HEATR5A: variants seen among roughly 807,000 people sequenced by gnomAD.
HEATR5A encodes HEAT repeat containing 5A.
A neutral mutation model predicts 218.8 loss-of-function variants in HEATR5A; 178 were observed. That is an observed-to-expected ratio of 0.81 (90% confidence interval 0.72 to 0.92). The LOEUF (loss-of-function observed/expected upper bound fraction) is 0.92. HEATR5A is among the 40% of genes least tolerant of loss of function. HEATR5A has a pLI of 0.00. For missense variants in HEATR5A, 2,420 were observed against 2,418.9 expected, an observed-to-expected ratio of 1.00 and a Z score of -0.01; for synonymous variants, 864 against 871.6, an observed-to-expected ratio of 0.99 and a Z score of 0.15.
intron 33 of HEATR5A, among the ~76,000 whole-genome samples, chr14:31,300,971 GC>G (rs1899351204): frequency 6.6e-6 from 1 of 151,904 alleles, no homozygotes; most frequent in Admixed American, 6.6e-5. Flanking sequence ...CATTACTATT[GC>G]CTTTGGGAAA....
intron 29 of HEATR5A, 48 bp downstream of exon 29, chr14:31,308,886 A>C (rs1026035470): frequency 6.6e-6 from 10 of 1,515,780 alleles, no homozygotes; most frequent in East Asian, 2.3e-5. Context: ...AAAAAAAAAA[A>C]ACAAAAAACC....
chr14:31,358,640 T>C lies in HEATR5A; in HGVS notation c.2408A>G (p.Gln803Arg), dbSNP rs1595134281. 1 of 1,612,236 alleles carries C rather than the reference T, an allele frequency of 6.2e-7. No homozygotes were observed. The highest frequency in any genetic ancestry group is 8.5e-7 in the Non-Finnish European group (1 of 1,179,176). Reference sequence around the variant, plus strand: ...CTGAACCATTGAAGATATTTACCTTTGAGTTTCTCCCACATGAGCGCATAC... The same window carrying C: ...CTGAACCATTGAAGATATTTACCTTCGAGTTTCTCCCACATGAGCGCATAC... ...GVVCAHVGET[Q>R]RLLILEQLLD... Residue 803 changes from glutamine to arginine, a missense_variant, in exon 16 of 36, where the codon CAA becomes CGA. Transcript: ENST00000543095.
intron 9 of HEATR5A, among the ~76,000 whole-genome samples, chr14:31,384,230 C>G (rs1458159731): frequency 1.3e-5 from 2 of 152,094 alleles, no homozygotes; most frequent in East Asian, 1.9e-4. Flanking sequence ...ACTGCCTGAG[C>G]TCAGGAGTTT....
At chr14:31,369,064 A>G (rs1182043705) in intron 13 of HEATR5A, among the ~76,000 whole-genome samples, 2 of 152,160 alleles carry the variant, frequency 1.3e-5, no homozygotes, top group Non-Finnish European at 2.9e-5. Context: ...TGGGAGGCTG[A>G]GGCAGGAACA....
intron 13 of HEATR5A, among the ~76,000 whole-genome samples, chr14:31,369,623 A>C (rs1319324182): frequency 3.4e-5 from 5 of 147,854 alleles, no homozygotes; most frequent in East Asian, 2.0e-4. Flanking sequence ...AAAAAAAAAA[A>C]AAAAAAAAAA....
chr14:31,301,735 C>T (rs1276172560), intron 33 of HEATR5A, among the ~76,000 whole-genome samples: 2 of 151,296 alleles, frequency 1.3e-5, no homozygotes, highest in East Asian at 1.9e-4. Context: ...TCAAGTGATC[C>T]GCCAGCTTCG....
intron 4 of HEATR5A, among the ~76,000 whole-genome samples, chr14:31,397,499 A>G (rs139654489): frequency 0.016 from 2,408 of 152,114 alleles, 34 homozygotes; most frequent in Middle Eastern, 0.027. Flanking sequence ...CTCTACTAAA[A>G]ATACAAAAAA....
chr14:31,398,187 T>A (rs2030731897), intron 4 of HEATR5A, among the ~76,000 whole-genome samples: 1 of 152,152 alleles, frequency 6.6e-6, no homozygotes, highest in Non-Finnish European at 1.5e-5. Flanking sequence ...GAAAATATAC[T>A]CCCTTGGCAA....
At chr14:31,303,220 G>A (rs1899445023) in intron 32 of HEATR5A, among the ~76,000 whole-genome samples, 1 of 152,132 alleles carries the variant, frequency 6.6e-6, no homozygotes, top group Admixed American at 6.5e-5. Flanking sequence ...AGATCATGAG[G>A]TCAGGAGTTC....
rs1303285633 is a variant in HEATR5A at position 31,315,807 on chromosome 14, G to A, written c.4181C>T (p.Thr1394Ile). The part of the protein sequence containing the change: ...LSHLYNESAS[T>I]MEILAVLKAW... ...TTTAAGCACAGCTAAGATCTCCATG[G>A]TAGAAGCACTTTCATTATATAAGTG... Residue 1394 changes from threonine (T) to isoleucine (I), a missense_variant, in exon 27 of 36, where the codon ACC (threonine) becomes ATC (isoleucine). Physicochemically the swap from Thr to Ile is moderately conservative, Grantham distance 89. Transcript: ENST00000543095. 2 of 1,612,242 alleles carry A rather than the reference G, an allele frequency of 1.2e-6. No homozygotes were observed. Among genetic ancestry groups the A allele is most frequent in the African/African-American group, 1.3e-5 (1 of 74,826 alleles).
chr14:31,375,374 T>C (rs1315739798), intron 11 of HEATR5A, among the ~76,000 whole-genome samples: 1 of 152,158 alleles, frequency 6.6e-6, no homozygotes, highest in African/African-American at 2.4e-5. Flanking sequence ...AGTACAATTA[T>C]TATAGTAACA....
chr14:31,326,856 G>A (rs1900285581), intron 22 of HEATR5A, among the ~76,000 whole-genome samples: 1 of 151,912 alleles, frequency 6.6e-6, no homozygotes, highest in Non-Finnish European at 1.5e-5. Context: ...CGTTGCCCAG[G>A]CTGGTCTCAA....
In HEATR5A at chr14:31,344,268, C is replaced by CTTTTTTTTTTTTTTTTTTTTTTTTT. The variant is rs577497140; in HGVS notation, c.3059-228_3059-204dup. On this transcript the variant is annotated intron_variant, in intron 20 of 35. Transcript: ENST00000543095. ...GTTACAGATTGTTAGATTAGTTATTCTTTTTTTTTTTTTTTTTTTTTTTTT... is the reference window on the plus strand; with the variant it reads ...GTTACAGATTGTTAGATTAGTTATTCTTTTTTTTTTTTTTTTTTTTTTTTTTTTTTTTTTTTTTTTTTTTTTTTTT... 1.4e-4 allele frequency among the ~76,000 whole-genome samples: 7 copies of CTTTTTTTTTTTTTTTTTTTTTTTTT among 50,812 alleles called. 2 individuals are homozygous for CTTTTTTTTTTTTTTTTTTTTTTTTT. Among genetic ancestry groups the CTTTTTTTTTTTTTTTTTTTTTTTTT allele is most frequent in the Non-Finnish European group, 2.6e-4 (7 of 27,196 alleles). 33.3% of individuals were successfully genotyped at this position (50,812 alleles called of 152,430 possible).
intron 18 of HEATR5A, 101 bp from the exon 19 acceptor site, chr14:31,348,008 G>T: frequency 1.6e-6 from 1 of 612,984 alleles, no homozygotes; most frequent in Non-Finnish European, 2.5e-6. Flanking sequence ...CTTTTTATAT[G>T]GATAGTTGCA....
At chr14:31,356,548 T>A (rs1901433804) in intron 16 of HEATR5A, among the ~76,000 whole-genome samples, 1 of 152,186 alleles carries the variant, frequency 6.6e-6, no homozygotes, top group South Asian at 2.1e-4. Flanking sequence ...ACTATTTTTT[T>A]TCCAAAATAG....
chr14:31,339,171 A>G (rs1324093240), intron 21 of HEATR5A, among the ~76,000 whole-genome samples: 2 of 150,852 alleles, frequency 1.3e-5, no homozygotes, highest in African/African-American at 2.4e-5. Context: ...ATGTATGTAT[A>G]TATGAGAAGA....
intron 32 of HEATR5A, among the ~76,000 whole-genome samples, chr14:31,304,200 A>G (rs761069210): frequency 6.6e-6 from 1 of 152,142 alleles, no homozygotes; most frequent in African/African-American, 2.4e-5. Flanking sequence ...CAGAGAAAGT[A>G]CCTGTGTCAA....
intron 10 of HEATR5A, among the ~76,000 whole-genome samples, chr14:31,382,115 A>C (rs529588061): frequency 5.2e-4 from 79 of 152,374 alleles, no homozygotes; most frequent in African/African-American, 1.9e-3. Context: ...ATTCTCTCGG[A>C]AAGAAATTCC....
intron 6 of HEATR5A, 88 bp from the exon 7 acceptor site, chr14:31,389,093 A>T: frequency 8.4e-7 from 1 of 1,185,180 alleles, no homozygotes; most frequent in Non-Finnish European, 1.2e-6. Flanking sequence ...GTTAATAGAA[A>T]CAAAAATAAA....
Sources: gnomAD v4.1 joint callset for allele counts (sites outside exome capture counted in the v4.1 genomes callset) on GRCh38, gnomAD v4.1.1 for gene constraint, MANE v1.5 for transcripts, NCBI Gene and HGNC (gene_info 2026-07-23, HGNC 2026-07-21) for gene names.